Variants in RANBP17 observed in about 807,000 individuals in gnomAD.
The protein encoded by RANBP17 is ran-binding protein 17.
A neutral mutation model predicts 141.2 loss-of-function variants in RANBP17; 158 were observed. That is an observed-to-expected ratio of 1.12 (90% CI 0.98 to 1.28). The LOEUF (loss-of-function observed/expected upper bound fraction) is 1.28, where lower values mean the gene tolerates loss of function less well. RANBP17 is among the 50% of genes most tolerant of loss of function. The pLI, the probability that RANBP17 is intolerant of heterozygous loss-of-function variation, is 0.00. For synonymous variants in RANBP17, 430 were observed against 450.0 expected, an observed-to-expected ratio of 0.96 and a Z score of 0.56; for missense variants, 1,438 against 1,290.7, an observed-to-expected ratio of 1.11 and a Z score of -1.75.
intron 1 of RANBP17, among the ~76,000 whole-genome samples, chr5:170,866,434 G>T (rs1305594107): frequency 6.6e-6 from 1 of 152,082 alleles, no homozygotes; most frequent in Non-Finnish European, 1.5e-5. Flanking sequence ...CAGCACTTTT[G>T]GGAGGCTGAG....
chr5:171,105,236 G>A (rs1011381302), intron 14 of RANBP17, among the ~76,000 whole-genome samples: 4 of 150,328 alleles, frequency 2.7e-5, no homozygotes, highest in African/African-American at 9.8e-5. Flanking sequence ...CAAAAAATTA[G>A]CCGGGCGTAG....
chr5:171,089,609 A>C (rs1382650414), intron 14 of RANBP17, among the ~76,000 whole-genome samples: 1 of 151,966 alleles, frequency 6.6e-6, no homozygotes, highest in Non-Finnish European at 1.5e-5. Flanking sequence ...GCAATCAGTG[A>C]GATTCCGTGG....
At chr5:171,154,101 T>G (rs1403523197) in intron 14 of RANBP17, among the ~76,000 whole-genome samples, 11 of 128,348 alleles carry the variant, frequency 8.6e-5, no homozygotes, top group African/African-American at 2.8e-4. Context: ...CACTTTAGTT[T>G]TTTTTTTTTT....
intron 14 of RANBP17, chr5:171,158,203 T>G (rs984340120): frequency 2.3e-5 from 4 of 171,764 alleles, no homozygotes; most frequent in Non-Finnish European, 5.0e-5. Context: ...TGCAAAATAT[T>G]TTTTCAACAT....
chr5:171,129,727 A>T (rs910072501), intron 14 of RANBP17, among the ~76,000 whole-genome samples: 1 of 152,226 alleles, frequency 6.6e-6, no homozygotes, highest in Non-Finnish European at 1.5e-5. Flanking sequence ...ATGACAATCT[A>T]AGAAATCACA....
chr5:171,215,749 GTTGT>G (rs1289677954), intron 21 of RANBP17, among the ~76,000 whole-genome samples: 2 of 152,156 alleles, frequency 1.3e-5, no homozygotes, highest in South Asian at 2.1e-4. Context: ...TTTTGATGGA[GTTGT>G]TTGTTTTTTT....
intron 14 of RANBP17, among the ~76,000 whole-genome samples, chr5:170,972,565 G>A (rs76781465): frequency 0.033 from 5,063 of 151,984 alleles, 291 homozygotes; most frequent in African/African-American, 0.12. Context: ...TTATTGAGTG[G>A]TATTAGAGTG....
At chr5:170,884,107 C>T (rs138122019) in intron 3 of RANBP17, among the ~76,000 whole-genome samples, 4 of 152,300 alleles carry the variant, frequency 2.6e-5, no homozygotes, top group African/African-American at 7.2e-5. Flanking sequence ...ACATCCTTGC[C>T]AGCATTTGCC....
chr5:171,175,518 A>AT (rs1760395299), intron 16 of RANBP17, among the ~76,000 whole-genome samples: 1 of 152,062 alleles, frequency 6.6e-6, no homozygotes, highest in Non-Finnish European at 1.5e-5. Flanking sequence ...ATGGGAGAAA[A>AT]TTTTTTTAAT....
chr5:170,875,358 G>T (rs1191357987), intron 1 of RANBP17, among the ~76,000 whole-genome samples: 3 of 152,054 alleles, frequency 2.0e-5, no homozygotes, highest in Non-Finnish European at 4.4e-5. Context: ...TTTGAATGTT[G>T]GCCTGTCTTG....
chr5:171,147,561 AC>A (rs1264642955), intron 14 of RANBP17, among the ~76,000 whole-genome samples: 1 of 151,042 alleles, frequency 6.6e-6, no homozygotes, highest in African/African-American at 2.4e-5. Flanking sequence ...GATTACAGGC[AC>A]CCGCCACCAA....
At chr5:171,044,166 C>T (rs921226183) in intron 14 of RANBP17, among the ~76,000 whole-genome samples, 1 of 151,998 alleles carries the variant, frequency 6.6e-6, no homozygotes, top group African/African-American at 2.4e-5. Flanking sequence ...TTTCTTTCCC[C>T]TGGTGCCTAT....
chr5:171,244,099 T>C (rs989051244), intron 24 of RANBP17, among the ~76,000 whole-genome samples: 16 of 149,470 alleles, frequency 1.1e-4, no homozygotes, highest in Non-Finnish European at 1.9e-4. Context: ...AAAAAAATAT[T>C]AAAAGATTTT....
intron 5 of RANBP17, chr5:170,896,857 GC>G (rs1770168997): frequency 2.0e-6 from 1 of 498,030 alleles, no homozygotes; most frequent in Non-Finnish European, 3.7e-6. Context: ...AACAATACAG[GC>G]CTTTTGGGTT....
At chr5:170,996,246 T>G (rs1778808583) in intron 14 of RANBP17, among the ~76,000 whole-genome samples, 2 of 152,230 alleles carry the variant, frequency 1.3e-5, no homozygotes, top group African/African-American at 4.8e-5. Context: ...GTTAAAGCTG[T>G]TTTTTTCCCT....
At chr5:170,965,435 G>A (rs1290517713) in intron 13 of RANBP17, among the ~76,000 whole-genome samples, 1 of 152,064 alleles carries the variant, frequency 6.6e-6, no homozygotes, top group African/African-American at 2.4e-5. Flanking sequence ...GGCTTTTGTT[G>A]CCATTGCTTT....
intron 14 of RANBP17, among the ~76,000 whole-genome samples, chr5:171,154,685 A>G (rs900248348): frequency 1.3e-5 from 2 of 152,220 alleles, no homozygotes; most frequent in East Asian, 1.9e-4. Flanking sequence ...AGCAGCTAAG[A>G]AACAGCATTG....
intron 3 of RANBP17, among the ~76,000 whole-genome samples, chr5:170,886,026 TAAC>T (rs1302427627): frequency 6.6e-6 from 1 of 152,158 alleles, no homozygotes; most frequent in African/African-American, 2.4e-5. Flanking sequence ...GCTTTTTCTA[TAAC>T]AACAATGGCA....
chr5:171,220,846 T>G (rs961957845), intron 21 of RANBP17, among the ~76,000 whole-genome samples: 1 of 152,242 alleles, frequency 6.6e-6, no homozygotes, highest in Non-Finnish European at 1.5e-5. Flanking sequence ...TAGAATTTAA[T>G]GCAAATTATG....
Sources: allele counts gnomAD v4.1 joint callset (sites outside exome capture counted in the v4.1 genomes callset), GRCh38; gene constraint gnomAD v4.1.1; transcripts MANE v1.5; gene names NCBI Gene and HGNC (gene_info 2026-07-23, HGNC 2026-07-21).